NRXN3: variants seen among roughly 807,000 people sequenced by gnomAD.
NRXN3 encodes the protein neurexin 3.
Under a neutral mutation model 137.6 loss-of-function variants are expected in NRXN3, and 32 were observed. That is an observed-to-expected ratio of 0.23 (90% CI 0.18 to 0.31). The LOEUF (loss-of-function observed/expected upper bound fraction) is 0.31, where lower values mean the gene tolerates loss of function less well. Among genes scored for constraint, NRXN3 ranks in the 10% least tolerant of loss-of-function variants. NRXN3 has a pLI of 1.00. For missense variants in NRXN3, 1,574 were observed against 2,062.5 expected (o/e 0.76, Z 4.59); for synonymous variants, 798 against 784.5 (o/e 1.02, Z -0.29).
intron 15 of NRXN3, among the ~76,000 whole-genome samples, chr14:79,123,390 C>G (rs2055832220): frequency 6.6e-6 from 1 of 152,150 alleles, no homozygotes; most frequent in Non-Finnish European, 1.5e-5. Flanking sequence ...GCTGGTATGT[C>G]TGCTAGGAAA....
chr14:79,068,355 A>G (rs189929731), intron 15 of NRXN3, among the ~76,000 whole-genome samples: 44 of 152,240 alleles, frequency 2.9e-4, no homozygotes, highest in Non-Finnish European at 4.6e-4. Context: ...ATAAAAAGTT[A>G]GAAAAGAGGG....
intron 10 of NRXN3, among the ~76,000 whole-genome samples, chr14:78,814,413 G>C (rs2098925045): frequency 6.6e-6 from 1 of 152,070 alleles, no homozygotes; most frequent in African/African-American, 2.4e-5. Flanking sequence ...TCAAGGGATC[G>C]AGACCATCCT....
At chr14:78,774,837 T>A (rs2098739881) in intron 8 of NRXN3, among the ~76,000 whole-genome samples, 1 of 152,108 alleles carries the variant, frequency 6.6e-6, no homozygotes, top group Non-Finnish European at 1.5e-5. Context: ...GACAGAAGGA[T>A]TGCTTGAGCC....
chr14:79,517,113 G>A (rs1304364793), intron 16 of NRXN3, among the ~76,000 whole-genome samples: 1 of 139,134 alleles, frequency 7.2e-6, no homozygotes, highest in East Asian at 2.4e-4. Flanking sequence ...CTCAACGAAT[G>A]GGAGCGCTTC....
chr14:78,399,374 C>A (rs989005850), intron 4 of NRXN3, among the ~76,000 whole-genome samples: 1 of 152,118 alleles, frequency 6.6e-6, no homozygotes, highest in Non-Finnish European at 1.5e-5. Flanking sequence ...ATACTCTATT[C>A]TCCCTGAAAC....
At chr14:79,641,440 T>C (rs764966515) in intron 16 of NRXN3, among the ~76,000 whole-genome samples, 4 of 136,060 alleles carry the variant, frequency 2.9e-5, no homozygotes, top group African/African-American at 9.8e-5. Context: ...CGTTATTGTC[T>C]AATGACACAG....
chr14:79,154,718 AG>A (rs946275333), intron 15 of NRXN3, among the ~76,000 whole-genome samples: 96 of 152,006 alleles, frequency 6.3e-4, no homozygotes, highest in African/African-American at 2.2e-3. Flanking sequence ...GATTCAAAGG[AG>A]CAATTCAGGC....
chr14:79,030,847 C>T (rs751231632), intron 15 of NRXN3, among the ~76,000 whole-genome samples: 1 of 151,872 alleles, frequency 6.6e-6, no homozygotes, highest in African/African-American at 2.4e-5. Context: ...CAGTCGCTAT[C>T]ATCCTTTTAA....
intron 8 of NRXN3, among the ~76,000 whole-genome samples, chr14:78,756,151 A>G (rs1342290263): frequency 2.6e-5 from 4 of 152,188 alleles, no homozygotes; most frequent in African/African-American, 9.7e-5. Context: ...TGTGGAAAGT[A>G]TAATATCCAA....
At chr14:78,712,078 T>C (rs2098411850) in intron 7 of NRXN3, among the ~76,000 whole-genome samples, 1 of 152,238 alleles carries the variant, frequency 6.6e-6, no homozygotes, top group Non-Finnish European at 1.5e-5. Context: ...AAAACTGTTA[T>C]GGTCACACAT....
intron 4 of NRXN3, among the ~76,000 whole-genome samples, chr14:78,523,816 C>CAAAAAAAAAAAAAAAAAAAAAAAAAAA (rs56083130): frequency 8.1e-5 from 5 of 61,604 alleles, no homozygotes; most frequent in Non-Finnish European, 7.9e-5. Context: ...GACTCTGTCT[C>CAAAAAAAAAAAAAAAAAAAAAAAAAAA]AAAAAAAAAA....
chr14:79,608,716 G>T (rs926876557), intron 16 of NRXN3, among the ~76,000 whole-genome samples: 1 of 152,102 alleles, frequency 6.6e-6, no homozygotes, highest in African/African-American at 2.4e-5. Context: ...GAATTAAAAT[G>T]CCAAATAGAA....
intron 4 of NRXN3, among the ~76,000 whole-genome samples, chr14:78,578,722 A>C (rs2096961620): frequency 6.6e-6 from 1 of 152,082 alleles, no homozygotes; most frequent in Admixed American, 6.6e-5. Context: ...CAGATGTTAA[A>C]TTTTTTACTC....
rs190692302 is a variant in NRXN3 at position 79,489,346 on chromosome 14, G to A, written c.3444+21944G>A. ...AACCACATAGAGGAGGTGATTCTCC[G>A]AGGATTTATAATGTGTTTCCTGTGC... On this transcript the variant is annotated intron_variant, in intron 16 of 20. Coordinates refer to ENST00000335750, the MANE Select transcript of NRXN3 (RefSeq NM_001330195.2). Among the ~76,000 whole-genome samples, 85 of 152,142 alleles carry A rather than the reference G, an allele frequency of 5.6e-4. 1 individual carries two copies. The highest frequency in any genetic ancestry group is 1.8e-3 in the Admixed American group (28 of 15,280).
At chr14:79,811,330 T>C (rs2099231910) in intron 20 of NRXN3, among the ~76,000 whole-genome samples, 1 of 152,190 alleles carries the variant, frequency 6.6e-6, no homozygotes, top group Non-Finnish European at 1.5e-5. Flanking sequence ...CTTAATTTAA[T>C]TCATTATTAT....
intron 4 of NRXN3, among the ~76,000 whole-genome samples, chr14:78,314,982 C>CCTT (rs2078510380): frequency 3.3e-5 from 3 of 91,472 alleles, no homozygotes; most frequent in African/African-American, 1.7e-4. Flanking sequence ...TTCCTTCCTT[C>CCTT]CTTCCTTTCT....
chr14:79,704,526 C>CGCT (rs1185133029), intron 19 of NRXN3, among the ~76,000 whole-genome samples: 2 of 152,158 alleles, frequency 1.3e-5, no homozygotes, highest in Admixed American at 1.3e-4. Context: ...TTGCTTTTAC[C>CGCT]ACTAGACAAC....
chr14:79,329,671 G>T (rs1262189032), intron 15 of NRXN3, among the ~76,000 whole-genome samples: 1 of 152,194 alleles, frequency 6.6e-6, no homozygotes, highest in Non-Finnish European at 1.5e-5. Flanking sequence ...GCAAAAACAT[G>T]GAGATGAGAA....
In NRXN3 at chr14:78,489,495, A is replaced by T. The variant is rs565143394; in HGVS notation, c.758-155625A>T. On this transcript the variant is annotated intron_variant, in intron 4 of 20. Coordinates refer to ENST00000335750, the MANE Select transcript of NRXN3 (RefSeq NM_001330195.2). ...GCAGCTAGGGACGCACACACAGAGGATATTTTCACTGATTCCTCTCTGTGG... is the reference window on the plus strand; with the variant it reads ...GCAGCTAGGGACGCACACACAGAGGTTATTTTCACTGATTCCTCTCTGTGG... 2.0e-5 allele frequency among the ~76,000 whole-genome samples: 3 copies of T among 152,176 alleles called. No homozygotes were observed. The East Asian group carries it at 5.8e-4, about 29-fold the overall frequency.
Sources: gnomAD v4.1 joint callset for allele counts (sites outside exome capture counted in the v4.1 genomes callset) on GRCh38, gnomAD v4.1.1 for gene constraint, MANE v1.5 for transcripts, NCBI Gene and HGNC (gene_info 2026-07-23, HGNC 2026-07-21) for gene names.